OSBPL8: variants seen among roughly 807,000 people sequenced by gnomAD.
OSBPL8 encodes oxysterol binding protein like 8.
A neutral mutation model predicts 125.5 loss-of-function variants in OSBPL8; 59 were observed. The observed-to-expected ratio is 0.47, with a 90% CI of 0.38 to 0.58. The LOEUF (loss-of-function observed/expected upper bound fraction) is 0.58. OSBPL8 is among the 20% of genes least tolerant of loss of function. The pLI, the probability that OSBPL8 is intolerant of heterozygous loss-of-function variation, is 0.00. For synonymous variants in OSBPL8, 330 were observed against 338.9 expected (o/e 0.97, Z 0.29); for missense variants, 758 against 1,047.8 (o/e 0.72, Z 3.82).
chr12:76,413,456 C>T (rs371684654), intron 4 of OSBPL8, among the ~76,000 whole-genome samples: 3 of 152,196 alleles, frequency 2.0e-5, no homozygotes, highest in South Asian at 2.1e-4. Flanking sequence ...AACAATAGTG[C>T]TATGAATATT....
chr12:76,477,346 A>G (rs74103475), intron 2 of OSBPL8, among the ~76,000 whole-genome samples: 1,660 of 152,296 alleles, frequency 0.011, 40 homozygotes, highest in African/African-American at 0.038. Context: ...AGGTGATCAC[A>G]GTCAACAGCA....
At chr12:76,373,262 A>C in intron 18 of OSBPL8, 82 bp downstream of exon 18, 5 of 877,858 alleles carry the variant, frequency 5.7e-6, no homozygotes, top group Non-Finnish European at 8.6e-6. Context: ...CAGCAACGGA[A>C]TAAGTTTTAA....
intron 1 of OSBPL8, among the ~76,000 whole-genome samples, chr12:76,553,147 C>T (rs1426127480): frequency 1.3e-5 from 2 of 151,454 alleles, no homozygotes; most frequent in African/African-American, 4.9e-5. Context: ...TTAGATTGAA[C>T]TTCTCTCTCT....
chr12:76,482,648 A>C (rs1016907148), intron 2 of OSBPL8, among the ~76,000 whole-genome samples: 7 of 152,166 alleles, frequency 4.6e-5, no homozygotes, highest in Non-Finnish European at 8.8e-5. Flanking sequence ...GACTATCCTT[A>C]AGTTGAGGAA....
At chr12:76,557,509 G>A (rs1451105783) in intron 1 of OSBPL8, among the ~76,000 whole-genome samples, 1 of 151,516 alleles carries the variant, frequency 6.6e-6, no homozygotes, top group African/African-American at 2.4e-5. Flanking sequence ...CAGCTACTCA[G>A]GAGGCTGAAG....
At chr12:76,444,067 G>C (rs189322505) in intron 4 of OSBPL8, among the ~76,000 whole-genome samples, 2 of 151,990 alleles carry the variant, frequency 1.3e-5, no homozygotes, top group Non-Finnish European at 2.9e-5. Context: ...AGTCTCCCCA[G>C]CTCTTAAAAA....
chr12:76,369,833 T>G lies in OSBPL8; in HGVS notation c.2055-11A>C, dbSNP rs763805609. 6.3e-7 allele frequency: 1 copy of G among 1,592,788 alleles called. No homozygotes were observed. ...ACCCGTTGCCAGAGTCTAATACATGTGCGAAAATATTAAAAGTATTAAAAA... is the reference window on the plus strand; with the variant it reads ...ACCCGTTGCCAGAGTCTAATACATGGGCGAAAATATTAAAAGTATTAAAAA... On this transcript the variant is annotated splice_polypyrimidine_tract_variant and intron_variant, in intron 19 of 23. Transcript: ENST00000261183.
chr12:76,557,345 A>G (rs1028512060), intron 1 of OSBPL8, among the ~76,000 whole-genome samples: 2 of 152,172 alleles, frequency 1.3e-5, no homozygotes, highest in African/African-American at 2.4e-5. Flanking sequence ...CGCCAGACAC[A>G]GTGGCTCATG....
chr12:76,504,587 T>C (rs560875267), intron 1 of OSBPL8, among the ~76,000 whole-genome samples: 2 of 152,342 alleles, frequency 1.3e-5, no homozygotes, highest in East Asian at 3.9e-4. Flanking sequence ...TGAAAGGGAT[T>C]CGACCTAACC....
chr12:76,493,391 A>AT (rs1166793273), intron 1 of OSBPL8, among the ~76,000 whole-genome samples: 1 of 152,020 alleles, frequency 6.6e-6, no homozygotes, highest in African/African-American at 2.4e-5. Flanking sequence ...ATTCTCTTTC[A>AT]TTTTTTTGTA....
At chr12:76,544,445 G>A (rs377266414) in intron 1 of OSBPL8, among the ~76,000 whole-genome samples, 96 of 152,258 alleles carry the variant, frequency 6.3e-4, no homozygotes, top group African/African-American at 2.3e-3. Context: ...TATTCCAAAA[G>A]TGTTTGTTGA....
intron 1 of OSBPL8, among the ~76,000 whole-genome samples, chr12:76,511,765 T>C (rs76623722): frequency 1.3e-5 from 2 of 152,358 alleles, no homozygotes; most frequent in East Asian, 3.9e-4. Context: ...TTTGCTGCGA[T>C]TGCTTCTGAT....
intron 21 of OSBPL8, among the ~76,000 whole-genome samples, chr12:76,362,213 A>G (rs1467339208): frequency 1.3e-5 from 2 of 152,180 alleles, no homozygotes; most frequent in Non-Finnish European, 2.9e-5. Flanking sequence ...CTTATTTAAA[A>G]TAACAAGGCA....
At chr12:76,365,212 G>C (rs1277461077) in intron 21 of OSBPL8, among the ~76,000 whole-genome samples, 3 of 152,138 alleles carry the variant, frequency 2.0e-5, no homozygotes, top group African/African-American at 7.2e-5. Flanking sequence ...AAAGTGCTGA[G>C]GTTACAGGCA....
chr12:76,387,601 T>C (rs932749293), intron 12 of OSBPL8, among the ~76,000 whole-genome samples: 10 of 152,186 alleles, frequency 6.6e-5, no homozygotes, highest in African/African-American at 2.4e-4. Context: ...ATTGTTGTTT[T>C]CTGTTTGTAA....
At chr12:76,487,021 ATTTTTT>A (rs63178360) in intron 2 of OSBPL8, among the ~76,000 whole-genome samples, 5 of 101,900 alleles carry the variant, frequency 4.9e-5, no homozygotes, top group Non-Finnish European at 7.6e-5. Context: ...TGCAATTTTC[ATTTTTT>A]TTTTTTTTTT....
At chr12:76,425,421 C>T (rs538530323) in intron 4 of OSBPL8, among the ~76,000 whole-genome samples, 6 of 152,090 alleles carry the variant, frequency 3.9e-5, no homozygotes, top group Non-Finnish European at 7.4e-5. Flanking sequence ...AGAAAATATT[C>T]CTATAGGACT....
At chr12:76,428,494 C>T (rs1870421813) in intron 4 of OSBPL8, among the ~76,000 whole-genome samples, 1 of 151,950 alleles carries the variant, frequency 6.6e-6, no homozygotes, top group Non-Finnish European at 1.5e-5. Context: ...TATGTGCACA[C>T]TCATGATAAA....
chr12:76,529,794 T>A (rs1395310888), intron 1 of OSBPL8, among the ~76,000 whole-genome samples: 1 of 152,146 alleles, frequency 6.6e-6, no homozygotes. Context: ...AGGAAACCAA[T>A]GAAAAGCCTA....
Sources: gnomAD v4.1 joint callset for allele counts (sites outside exome capture counted in the v4.1 genomes callset) on GRCh38, gnomAD v4.1.1 for gene constraint, MANE v1.5 for transcripts, NCBI Gene and HGNC (gene_info 2026-07-23, HGNC 2026-07-21) for gene names.